SMCHD1: variants seen among roughly 807,000 people sequenced by gnomAD.
SMCHD1 encodes structural maintenance of chromosomes flexible hinge domain-containing protein 1.
Under a neutral mutation model 254.7 loss-of-function variants are expected in SMCHD1, and 78 were observed. That is an observed-to-expected ratio of 0.31 (90% CI 0.26 to 0.37). SMCHD1 has a LOEUF of 0.37. Ranked by LOEUF, SMCHD1 falls within the 10% of genes least tolerant of loss-of-function variation. The probability of loss-of-function intolerance (pLI) is 1.00; values close to 1 mark genes in which losing one functional copy is unlikely to be tolerated. For missense variants in SMCHD1, 1,840 were observed against 2,408.1 expected (o/e 0.76, Z 4.94); for synonymous variants, 766 against 794.9 (o/e 0.96, Z 0.61).
intron 7 of SMCHD1, among the ~76,000 whole-genome samples, chr18:2,689,223 T>TC (rs1227837657): frequency 6.7e-6 from 1 of 148,964 alleles, no homozygotes; most frequent in East Asian, 1.9e-4. Context: ...TTTTTTTCTT[T>TC]TTTTTTTTTT....
At chr18:2,773,149 A>C (rs2076011794) in intron 41 of SMCHD1, among the ~76,000 whole-genome samples, 2 of 152,254 alleles carry the variant, frequency 1.3e-5, no homozygotes, top group Admixed American at 1.3e-4. Flanking sequence ...GTGTATGACC[A>C]AAACCGTGTT....
At chr18:2,720,688 G>A (rs2074906185) in intron 19 of SMCHD1, among the ~76,000 whole-genome samples, 1 of 152,148 alleles carries the variant, frequency 6.6e-6, no homozygotes. Flanking sequence ...ATGTTTGTAG[G>A]GGGGCGGTCC....
intron 5 of SMCHD1, among the ~76,000 whole-genome samples, chr18:2,683,889 T>C (rs2073983106): frequency 6.6e-6 from 1 of 152,214 alleles, no homozygotes; most frequent in African/African-American, 2.4e-5. Flanking sequence ...TCATCCATTT[T>C]CTTTTAATGT....
At chr18:2,720,702 T>C (rs1402185007) in intron 19 of SMCHD1, among the ~76,000 whole-genome samples, 1 of 152,218 alleles carries the variant, frequency 6.6e-6, no homozygotes, top group Non-Finnish European at 1.5e-5. Context: ...GCGGTCCTCA[T>C]ATTTAGTATA....
chr18:2,682,358 C>T (rs1309453108), intron 5 of SMCHD1, among the ~76,000 whole-genome samples: 1 of 151,228 alleles, frequency 6.6e-6, no homozygotes, highest in Non-Finnish European at 1.5e-5. Flanking sequence ...CAGAGTCCCA[C>T]CTCTCAGCCC....
At chr18:2,783,617 G>A (rs1028017362) in intron 44 of SMCHD1, among the ~76,000 whole-genome samples, 1 of 151,468 alleles carries the variant, frequency 6.6e-6, no homozygotes, top group African/African-American at 2.4e-5. Context: ...CTGTTGCCCA[G>A]GCTGGAGTGC....
Position 2,778,043 on chromosome 18 carries a change from A to G in SMCHD1, c.5477-126A>G, listed in dbSNP as rs376169947. On this transcript the variant is annotated intron_variant, in intron 43 of 47. Coordinates refer to ENST00000320876, the MANE Select transcript of SMCHD1 (RefSeq NM_015295.3). ...CAGTCATAGTTTTATCAGTTTTTTT[A>G]GAGTACAAATAAAATTAGAACGAAT... is the stretch of plus-strand genomic sequence containing the variant. 1.3e-5 allele frequency: 13 copies of G among 988,862 alleles called. No individual in the cohort carries two copies. In the Admixed American group the frequency reaches 2.8e-4, roughly 21 times the overall value. 61.3% of individuals were successfully genotyped at this position (988,862 alleles called of 1,614,324 possible). A position where few individuals can be genotyped will look rare whatever the true frequency, so the allele number is the denominator to read the frequency against.
chr18:2,711,608 A>C (rs920539968), intron 17 of SMCHD1, among the ~76,000 whole-genome samples: 1 of 144,256 alleles, frequency 6.9e-6, no homozygotes, highest in African/African-American at 2.6e-5. Context: ...TCAGCCTCCC[A>C]AGTAGCTGGG....
intron 3 of SMCHD1, 48 bp downstream of exon 3, chr18:2,667,079 A>G (rs1162881313): frequency 7.4e-7 from 1 of 1,347,820 alleles, no homozygotes; most frequent in Non-Finnish European, 1.0e-6. Flanking sequence ...ACCTGCCTTT[A>G]TCCCCTGATT....
At chr18:2,736,655 A>G (rs1247736256) in intron 25 of SMCHD1, among the ~76,000 whole-genome samples, 1 of 99,262 alleles carries the variant, frequency 1.0e-5, no homozygotes, top group Non-Finnish European at 2.4e-5. Flanking sequence ...AATGTTCAAC[A>G]TCATAATCAT....
intron 39 of SMCHD1, among the ~76,000 whole-genome samples, chr18:2,770,771 C>T (rs909913962): frequency 1.3e-5 from 2 of 152,218 alleles, no homozygotes; most frequent in East Asian, 1.9e-4. Flanking sequence ...CAGGCACATG[C>T]CACCACGCCT....
intron 36 of SMCHD1, among the ~76,000 whole-genome samples, chr18:2,763,397 C>T (rs2075818855): frequency 6.6e-6 from 1 of 151,998 alleles, no homozygotes; most frequent in Non-Finnish European, 1.5e-5. Flanking sequence ...AATGGGAGTC[C>T]TTGTAATTTA....
rs1411437447 is a variant in SMCHD1 at position 2,694,549 on chromosome 18, C to T, written c.896C>T (p.Thr299Ile). The change falls in exon 8 of 48, where the codon ACA (threonine) becomes ATA (isoleucine). Residue 299 changes from threonine (T) to isoleucine (I), a missense_variant. Physicochemically the swap from Thr to Ile is moderately conservative, Grantham distance 89 (BLOSUM62 -1). Around this residue, in one of 9 missense-constraint regions of SMCHD1, gnomAD observed 498 missense variants for 743.5 expected, o/e 0.67. Coordinates refer to ENST00000320876, the MANE Select transcript of SMCHD1 (RefSeq NM_015295.3). ...TAGCCCTCTGATTCTGTTCACATTA[C>T]AAATGATGATGAAAGATTTCTACAT... Reference protein sequence around the residue: ...NRKPSDSVHITNDDERFLHHL... With the variant: ...NRKPSDSVHIINDDERFLHHL... The T allele has an allele frequency of 6.3e-7, 1 of 1,595,122 alleles. No homozygotes were observed. Among genetic ancestry groups the T allele is most frequent in the Non-Finnish European group, 8.6e-7 (1 of 1,168,792 alleles).
At chr18:2,753,577 T>C (rs1366124724) in intron 34 of SMCHD1, among the ~76,000 whole-genome samples, 1 of 152,206 alleles carries the variant, frequency 6.6e-6, no homozygotes, top group Non-Finnish European at 1.5e-5. Context: ...TTTTAATACA[T>C]AGCCTTGCTA....
At chr18:2,660,535 G>A (rs1364161567) in intron 1 of SMCHD1, among the ~76,000 whole-genome samples, 1 of 146,320 alleles carries the variant, frequency 6.8e-6, no homozygotes, top group Admixed American at 6.9e-5. Context: ...GTGCAGTGGC[G>A]CAATCTTGGC....
chr18:2,669,250 A>C (rs2073528771), intron 3 of SMCHD1, among the ~76,000 whole-genome samples: 1 of 152,150 alleles, frequency 6.6e-6, no homozygotes. Flanking sequence ...AGGCAGAGGC[A>C]GGGGGATTGC....
intron 3 of SMCHD1, among the ~76,000 whole-genome samples, chr18:2,670,847 G>C (rs2073574932): frequency 6.7e-6 from 1 of 149,052 alleles, no homozygotes; most frequent in Non-Finnish European, 1.5e-5. Context: ...CTTGTAGTGA[G>C]CTGAGATCAT....
chr18:2,745,943 C>G (rs1408419861), intron 29 of SMCHD1, among the ~76,000 whole-genome samples: 1 of 151,994 alleles, frequency 6.6e-6, no homozygotes, highest in East Asian at 1.9e-4. Context: ...AGGATCTGTG[C>G]AGAGAGGAGG....
intron 45 of SMCHD1, among the ~76,000 whole-genome samples, chr18:2,794,400 C>T (rs1411492988): frequency 1.3e-5 from 2 of 152,072 alleles, no homozygotes; most frequent in African/African-American, 2.4e-5. Context: ...GAGCTATTCA[C>T]GAGGCTAAGA....
Sources: gnomAD v4.1 joint callset for allele counts (sites outside exome capture counted in the v4.1 genomes callset) on GRCh38, gnomAD v4.1.1 for gene constraint, gnomAD v4.1.1 regional missense constraint, MANE v1.5 for transcripts, NCBI Gene and HGNC (gene_info 2026-07-23, HGNC 2026-07-21) for gene names.